The following ARAP2 variants were observed in gnomAD, a reference collection of about 807,000 sequenced individuals.
ARAP2 encodes ArfGAP with RhoGAP domain, ankyrin repeat and PH domain 2.
ARAP2 carries 148 observed loss-of-function variants against 194.5 expected under a neutral mutation model. That is an observed-to-expected ratio of 0.76 (90% CI 0.67 to 0.87). ARAP2 has a LOEUF of 0.87. Among genes scored for constraint, ARAP2 ranks in the 40% least tolerant of loss-of-function variants. The probability of loss-of-function intolerance (pLI) is 0.00; values close to 1 mark genes in which losing one functional copy is unlikely to be tolerated. For synonymous variants in ARAP2, 695 were observed against 683.5 expected, an observed-to-expected ratio of 1.02 and a Z score of -0.26; for missense variants, 2,128 against 1,989.7, an observed-to-expected ratio of 1.07 and a Z score of -1.32.
At chr4:36,036,137 T>C (rs1719881134) in intron 5 of ARAP2, among the ~76,000 whole-genome samples, 1 of 152,052 alleles carries the variant, frequency 6.6e-6, no homozygotes, top group Non-Finnish European at 1.5e-5. Context: ...TCCATAGAAA[T>C]GGTAGAATCA....
intron 6 of ARAP2, among the ~76,000 whole-genome samples, chr4:36,198,087 C>T (rs1743531327): frequency 6.6e-6 from 1 of 152,174 alleles, no homozygotes; most frequent in Non-Finnish European, 1.5e-5. Flanking sequence ...GGTACGCAGA[C>T]AAGTGGAGGG....
At position 36,193,642 on chromosome 4, in the gene ARAP2, C is replaced by T. The variant is rs147818984; in HGVS notation, c.1493G>A (p.Arg498His). The T allele has an allele frequency of 5.5e-5, 88 of 1,599,266 alleles. 1 individual carries two copies. Among genetic ancestry groups the T allele is most frequent in the African/African-American group, 5.0e-4 (37 of 74,598 alleles). The change falls in exon 7 of 33, where the codon CGC (arginine) becomes CAC (histidine). Residue 498 changes from arginine to histidine, a missense_variant. By Grantham distance (29) the Arg-to-His change is conservative. Coordinates refer to ENST00000303965, the MANE Select transcript of ARAP2 (RefSeq NM_015230.4). The stretch of plus-strand genomic sequence containing the variant: ...TTTCACCCATCTCTTTTGAAACATG[C>T]GTTTTCTGCAAAACATATGAAATTG... Reference protein sequence around the residue: ...WLDKLSPQGKRMFQKRWVKFD... With the variant: ...WLDKLSPQGKHMFQKRWVKFD...
chr4:36,183,655 T>C (rs150663134), intron 8 of ARAP2, among the ~76,000 whole-genome samples: 24 of 152,374 alleles, frequency 1.6e-4, no homozygotes, highest in African/African-American at 5.8e-4. Context: ...CCAGTGACTC[T>C]GCTTGAGAAC....
chr4:36,057,645 T>C (rs1362240588), intron 2 of ARAP2, among the ~76,000 whole-genome samples: 1 of 152,144 alleles, frequency 6.6e-6, no homozygotes, highest in East Asian at 1.9e-4. Flanking sequence ...AACCCATTTG[T>C]TTTTAACTTT....
At chr4:36,171,568 C>T (rs1260444082) in intron 9 of ARAP2, among the ~76,000 whole-genome samples, 1 of 151,850 alleles carries the variant, frequency 6.6e-6, no homozygotes, top group Non-Finnish European at 1.5e-5. Context: ...ATACCTGATG[C>T]TAAATGATGA....
intron 2 of ARAP2, among the ~76,000 whole-genome samples, chr4:36,057,423 TA>T (rs1029549171): frequency 2.0e-5 from 3 of 151,946 alleles, no homozygotes; most frequent in Admixed American, 2.0e-4. Context: ...CATATCCATT[TA>T]AAAAAACTGT....
Position 36,193,622 on chromosome 4 carries a change from C to T in ARAP2, c.1513G>A (p.Val505Met), listed in dbSNP as rs1742440785. 3 of 1,601,740 alleles carry T rather than the reference C, an allele frequency of 1.9e-6. No individual in the cohort carries two copies. The highest frequency in any genetic ancestry group is 2.7e-5 in the African/African-American group (2 of 74,610). ...GAAATGCTAAGGCCATCAAATTTCACCCATCTCTTTTGAAACATGCGTTTT... is the reference window on the plus strand; with the variant it reads ...GAAATGCTAAGGCCATCAAATTTCATCCATCTCTTTTGAAACATGCGTTTT... ...QGKRMFQKRW[V>M]KFDGLSISYY... The change falls in exon 7 of 33, where the codon GTG becomes ATG. Residue 505 changes from valine (V) to methionine (M), a missense_variant. Physicochemically the swap from Val to Met is conservative, Grantham distance 21. Transcript: ENST00000303965.
chr4:36,230,434 A>G (rs1315541409), intron 1 of ARAP2, among the ~76,000 whole-genome samples: 1 of 152,176 alleles, frequency 6.6e-6, no homozygotes, highest in Non-Finnish European at 1.5e-5. Context: ...GTATGTAAAC[A>G]ATAGTGATAT....
intron 19 of ARAP2, among the ~76,000 whole-genome samples, chr4:36,144,249 T>C (rs907184753): frequency 2.6e-5 from 4 of 151,970 alleles, no homozygotes; most frequent in Non-Finnish European, 4.4e-5. Context: ...ACTTGTCTAT[T>C]TGTTTAAGAA....
chr4:36,108,808 T>C (rs991766509), intron 26 of ARAP2, among the ~76,000 whole-genome samples: 7 of 151,994 alleles, frequency 4.6e-5, no homozygotes, highest in African/African-American at 1.7e-4. Context: ...TCAAACTTTT[T>C]CTCAGTGCAC....
In ARAP2 at chr4:36,128,648, C is replaced by T; in HGVS notation, c.3525G>A (p.Leu1175=). The change falls in exon 21 of 33, where the codon TTG becomes TTA. Residue 1175 remains leucine (L), a synonymous_variant. Transcript: ENST00000303965. The stretch of plus-strand genomic sequence containing the variant: ...CTTCAAGCTGATGTTTTCCAGCCCT[C>T]AATTTAAAGCTTCTTGCATCCTTTT... ...SFKKDARSFK[L]RAGKHQLEDV... is the part of the protein sequence containing the mutation. 2.5e-6 allele frequency: 4 copies of T among 1,612,882 alleles called. No individual in the cohort carries two copies. Among genetic ancestry groups the T allele is most frequent in the Non-Finnish European group, 3.4e-6 (4 of 1,179,440 alleles).
intron 2 of ARAP2, among the ~76,000 whole-genome samples, chr4:36,056,938 T>C (rs1052161735): frequency 6.6e-6 from 1 of 152,070 alleles, no homozygotes; most frequent in African/African-American, 2.4e-5. Context: ...GTCAATATTA[T>C]GTTTACCTGA....
intron 15 of ARAP2, among the ~76,000 whole-genome samples, chr4:36,156,796 T>C (rs546699341): frequency 3.0e-4 from 46 of 152,340 alleles, no homozygotes; most frequent in African/African-American, 1.1e-3. Context: ...TCATTGCTAT[T>C]GAATTATACA....
rs74440373 is a variant in ARAP2 at position 36,100,074 on chromosome 4, C to T, written c.4285+7491G>A. 9.8e-3 allele frequency among the ~76,000 whole-genome samples: 1,487 copies of T among 152,062 alleles called. 13 individuals are homozygous for T. The highest frequency in any genetic ancestry group is 0.015 in the Non-Finnish European group (1,043 of 67,950). ...CAGAATATATAAGCTGGATATGGAG[C>T]GATCTTGACTATAATGCCTGTTTCT... is the stretch of plus-strand genomic sequence containing the variant. On this transcript the variant is annotated intron_variant, in intron 27 of 32. Transcript: ENST00000303965.
intron 7 of ARAP2, among the ~76,000 whole-genome samples, chr4:36,188,295 G>A (rs146681715): frequency 6.6e-6 from 1 of 152,088 alleles, no homozygotes; most frequent in Non-Finnish European, 1.5e-5. Context: ...GCCCCGTGTT[G>A]GAAAGAAAAT....
At chr4:36,220,339 T>C (rs1366538598) in intron 2 of ARAP2, among the ~76,000 whole-genome samples, 1 of 152,114 alleles carries the variant, frequency 6.6e-6, no homozygotes, top group African/African-American at 2.4e-5. Context: ...AAAATTCCTA[T>C]TGCCAAGTGA....
At chr4:36,016,613 A>T (rs1285838706) in intron 6 of ARAP2, among the ~76,000 whole-genome samples, 1 of 152,154 alleles carries the variant, frequency 6.6e-6, no homozygotes, top group Non-Finnish European at 1.5e-5. Context: ...ATCTTTGAGG[A>T]AGGGAATCAG....
At chr4:36,165,589 T>G (rs1735104374) in intron 10 of ARAP2, among the ~76,000 whole-genome samples, 1 of 152,090 alleles carries the variant, frequency 6.6e-6, no homozygotes. Flanking sequence ...TTTTTTTTAA[T>G]TAGAAGAATG....
chr4:36,048,087 A>C (rs1395556076), intron 3 of ARAP2, among the ~76,000 whole-genome samples: 1 of 152,218 alleles, frequency 6.6e-6, no homozygotes, highest in African/African-American at 2.4e-5. Context: ...ATATGAAAGC[A>C]AATTTTAATT....
Sources: gnomAD v4.1 joint callset for allele counts (sites outside exome capture counted in the v4.1 genomes callset) on GRCh38, gnomAD v4.1.1 for gene constraint, MANE v1.5 for transcripts, NCBI Gene and HGNC (gene_info 2026-07-23, HGNC 2026-07-21) for gene names.